Variants in KLF8 observed in about 807,000 individuals in gnomAD.
KLF8 encodes Krueppel-like factor 8.
Under a neutral mutation model 18.2 loss-of-function variants are expected in KLF8, and 10 were observed. The observed-to-expected ratio is 0.55, with a 90% confidence interval of 0.34 to 0.93. The LOEUF (loss-of-function observed/expected upper bound fraction) is 0.93. Among genes scored for constraint, KLF8 ranks in the 40% least tolerant of loss-of-function variants. The pLI is 0.02. For synonymous variants in KLF8, 109 were observed against 97.3 expected (o/e 1.12, Z -0.71); for missense variants, 264 against 277.9 (o/e 0.95, Z 0.36).
the KLF8 span, among the ~76,000 whole-genome samples, chrX:56,075,899 T>C: frequency 8.9e-6 from 1 of 111,961 alleles, no homozygotes; most frequent in African/African-American, 3.2e-5. Context: ...CCACATTTCC[T>C]AAAAACCATT....
At chrX:56,265,091 G>T (rs1244206568) in intron 2 of KLF8, 89 bp from the exon 3 acceptor site, 2 of 1,039,494 alleles carry the variant, frequency 1.9e-6, no homozygotes, top group Non-Finnish European at 2.5e-6. Context: ...CATGTGAAAT[G>T]AATAGAGATT....
chrX:56,019,430 T>C, the KLF8 span, among the ~76,000 whole-genome samples: 1 of 112,595 alleles, frequency 8.9e-6, no homozygotes, highest in African/African-American at 3.2e-5. Flanking sequence ...AATTTTTCGT[T>C]GACTGTCTAT....
At chrX:56,083,733 C>T in the KLF8 span, among the ~76,000 whole-genome samples, 9,067 of 110,945 alleles carry the variant, frequency 0.082, 901 homozygotes, top group African/African-American at 0.28. Flanking sequence ...GCCTGAACTC[C>T]GCCTGCTGTC....
At chrX:56,270,988 A>G (rs2067050382) in intron 5 of KLF8, among the ~76,000 whole-genome samples, 1 of 112,246 alleles carries the variant, frequency 8.9e-6, no homozygotes, top group South Asian at 3.7e-4. Flanking sequence ...ATATTTTTTA[A>G]ACAACAAAAA....
the KLF8 span, among the ~76,000 whole-genome samples, chrX:56,027,689 G>A: frequency 4.5e-5 from 5 of 112,087 alleles, no homozygotes; most frequent in African/African-American, 1.6e-4. Context: ...TCCCGTCTAC[G>A]TATAACTCCC....
chrX:56,061,609 G>A, the KLF8 span, among the ~76,000 whole-genome samples: 3 of 111,638 alleles, frequency 2.7e-5, no homozygotes, highest in Non-Finnish European at 3.8e-5. Context: ...TAGAATAAGT[G>A]CAATGTGGTG....
chrX:56,198,870 T>C, the KLF8 span, among the ~76,000 whole-genome samples: 14 of 111,815 alleles, frequency 1.3e-4, no homozygotes, highest in Non-Finnish European at 2.6e-4. Context: ...CAAAACAGCA[T>C]GGTACTGGTA....
At chrX:56,023,404 C>T in the KLF8 span, among the ~76,000 whole-genome samples, 1 of 111,877 alleles carries the variant, frequency 8.9e-6, no homozygotes, top group Non-Finnish European at 1.9e-5. Context: ...GATCCAACCA[C>T]GTGCTTTCTA....
chrX:56,235,591 T>G (rs2066464509), intron 1 of KLF8, among the ~76,000 whole-genome samples: 1 of 109,780 alleles, frequency 9.1e-6, no homozygotes, highest in African/African-American at 3.3e-5. Flanking sequence ...TAATTTTGTA[T>G]TTTTAGTGGA....
chrX:56,268,955 C>A, intron 3 of KLF8: 1 of 943,765 alleles, frequency 1.1e-6, no homozygotes, highest in South Asian at 2.3e-5. Context: ...CTGGACTAAT[C>A]CTAGAATTTG....
chrX:56,269,248 T>C (rs1184448175), intron 3 of KLF8, 130 bp from the exon 4 acceptor site: 6 of 1,051,638 alleles, frequency 5.7e-6, no homozygotes, highest in Middle Eastern at 2.6e-4. Flanking sequence ...ACTTCTTTCA[T>C]CTTGTTTTTT....
chrX:56,103,528 A>G, the KLF8 span, among the ~76,000 whole-genome samples: 1 of 111,405 alleles, frequency 9.0e-6, no homozygotes, highest in Non-Finnish European at 1.9e-5. Context: ...TTATTGGTGT[A>G]TAGGAATGCT....
chrX:55,941,455 C>G, the KLF8 span, among the ~76,000 whole-genome samples: 1 of 111,483 alleles, frequency 9.0e-6, no homozygotes, highest in African/African-American at 3.3e-5. Context: ...AGGTCATAGG[C>G]ATGGGCAAGG....
At chrX:55,964,111 C>T in the KLF8 span, among the ~76,000 whole-genome samples, 1 of 111,421 alleles carries the variant, frequency 9.0e-6, no homozygotes. Context: ...TTCTGGGACA[C>T]CTCTGAAACA....
the KLF8 span, among the ~76,000 whole-genome samples, chrX:56,121,532 AC>A: frequency 8.9e-6 from 1 of 112,034 alleles, no homozygotes; most frequent in Non-Finnish European, 1.9e-5. Context: ...AGTTCTTCTG[AC>A]CCGGAAATTC....
the KLF8 span, among the ~76,000 whole-genome samples, chrX:55,990,999 C>T: frequency 8.9e-6 from 1 of 112,285 alleles, no homozygotes; most frequent in Non-Finnish European, 1.9e-5. Flanking sequence ...CAGCTGCATG[C>T]TGGGAGAACC....
chrX:56,046,019 C>T, the KLF8 span, among the ~76,000 whole-genome samples: 2 of 111,612 alleles, frequency 1.8e-5, no homozygotes, highest in Non-Finnish European at 3.8e-5. Flanking sequence ...AGTTATGTCC[C>T]TTCTATGCCA....
the KLF8 span, among the ~76,000 whole-genome samples, chrX:55,958,163 C>T: frequency 7.1e-5 from 8 of 112,321 alleles, no homozygotes; most frequent in African/African-American, 2.3e-4. Context: ...AAAAGATCAG[C>T]TAAGATCTGG....
the KLF8 span, among the ~76,000 whole-genome samples, chrX:56,066,169 G>T: frequency 8.9e-6 from 1 of 112,029 alleles, no homozygotes; most frequent in Non-Finnish European, 1.9e-5. Context: ...TCTGTGATAT[G>T]CTGTGCACAA....
Sources: gnomAD v4.1 joint callset for allele counts (sites outside exome capture counted in the v4.1 genomes callset) on GRCh38, gnomAD v4.1.1 for gene constraint, MANE v1.5 for transcripts, NCBI Gene and HGNC (gene_info 2026-07-23, HGNC 2026-07-21) for gene names.